The following SPATA22 variants were observed in gnomAD, a reference collection of about 807,000 sequenced individuals.
SPATA22 encodes the protein spermatogenesis associated 22.
A neutral mutation model predicts 47.8 loss-of-function variants in SPATA22; 29 were observed. The ratio of observed to expected loss-of-function variants is 0.61; its 90% CI spans 0.45 to 0.83. The LOEUF (loss-of-function observed/expected upper bound fraction) is 0.83, where lower values mean the gene tolerates loss of function less well. Ranked by LOEUF, SPATA22 falls within the 40% of genes least tolerant of loss-of-function variation. The pLI, the probability that SPATA22 is intolerant of heterozygous loss-of-function variation, is 0.00. For missense variants in SPATA22, 410 were observed against 421.7 expected, an observed-to-expected ratio of 0.97 and a Z score of 0.24; for synonymous variants, 133 against 140.9, an observed-to-expected ratio of 0.94 and a Z score of 0.40.
chr17:3,459,399 A>AT (rs949816913), intron 5 of SPATA22, among the ~76,000 whole-genome samples: 8 of 152,262 alleles, frequency 5.3e-5, no homozygotes, highest in African/African-American at 1.9e-4. Flanking sequence ...AATATATATA[A>AT]TTTTTTTTAA....
In SPATA22 at chr17:3,498,933, T is replaced by C; in HGVS notation, c.-74+14479A>G. On this transcript the variant is annotated intron_variant, in intron 1 of 8. Coordinates refer to the SPATA22 transcript ENST00000541913. ...ACTGCATCCTGGGGATCCCATGTTT[T>C]TAACTCTTGATGGGAAGACGATCCC... The C allele has an allele frequency of 1.2e-6, 2 of 1,610,190 alleles. No homozygotes were observed. The highest frequency in any genetic ancestry group is 1.7e-6 in the Non-Finnish European group (2 of 1,177,616).
chr17:3,444,842 A>G (rs770217116), intron 7 of SPATA22, among the ~76,000 whole-genome samples: 2 of 152,138 alleles, frequency 1.3e-5, no homozygotes, highest in African/African-American at 2.4e-5. Context: ...AAAATGAAGT[A>G]TCTACCTTTG....
At chr17:3,487,060 A>ATGTGTGTG (rs1376995881) in intron 1 of SPATA22, among the ~76,000 whole-genome samples, 1 of 131,744 alleles carries the variant, frequency 7.6e-6, no homozygotes, top group Non-Finnish European at 1.6e-5. Flanking sequence ...GTGTGTGTTT[A>ATGTGTGTG]TGTGTGTGTG....
At chr17:3,446,247 A>C (rs1030181106) in intron 7 of SPATA22, among the ~76,000 whole-genome samples, 2 of 152,116 alleles carry the variant, frequency 1.3e-5, no homozygotes, top group African/African-American at 2.4e-5. Context: ...GGTAATTAGA[A>C]TGTAGGCATT....
intron 1 of SPATA22, among the ~76,000 whole-genome samples, chr17:3,509,981 T>C (rs2074091391): frequency 6.6e-6 from 1 of 152,232 alleles, no homozygotes; most frequent in Non-Finnish European, 1.5e-5. Context: ...GAAGTGTCTG[T>C]TCATATCCTT....
At chr17:3,507,257 G>A (rs1024435308) in intron 1 of SPATA22, among the ~76,000 whole-genome samples, 6 of 152,124 alleles carry the variant, frequency 3.9e-5, no homozygotes, top group African/African-American at 1.2e-4. Flanking sequence ...ACAGAAAACC[G>A]ATGAAAGAAA....
At chr17:3,511,270 G>C (rs1430713580) in intron 1 of SPATA22, 1 of 152,154 alleles carries the variant, frequency 6.6e-6, no homozygotes, top group African/African-American at 2.4e-5. Flanking sequence ...TGCCAAATGA[G>C]ACACCTGAGA....
intron 2 of SPATA22, among the ~76,000 whole-genome samples, 171 bp from the exon 3 acceptor site, chr17:3,467,725 A>C (rs377666482): frequency 7.2e-5 from 11 of 152,172 alleles, no homozygotes; most frequent in African/African-American, 2.7e-4. Flanking sequence ...AAGATCCTGA[A>C]TAGCCTAATT....
chr17:3,484,485 T>G (rs938319773), intron 1 of SPATA22, among the ~76,000 whole-genome samples: 19 of 151,898 alleles, frequency 1.3e-4, no homozygotes, highest in African/African-American at 4.6e-4. Flanking sequence ...CCCAAAGAAG[T>G]GGGATCCATC....
At chr17:3,459,489 T>A (rs1309544598) in intron 5 of SPATA22, among the ~76,000 whole-genome samples, 1 of 152,220 alleles carries the variant, frequency 6.6e-6, no homozygotes, top group Non-Finnish European at 1.5e-5. Flanking sequence ...CACTGCAACC[T>A]CCACCTCCCA....
At chr17:3,491,878 T>TTTA (rs2073832332) in intron 1 of SPATA22, among the ~76,000 whole-genome samples, 1 of 11,266 alleles carries the variant, frequency 8.9e-5, no homozygotes, top group Admixed American at 1.4e-3. Flanking sequence ...TTTTGTTTTC[T>TTTA]TTTTTTTTTT....
At chr17:3,509,628 A>G (rs11657510) in intron 1 of SPATA22, among the ~76,000 whole-genome samples, 144,264 of 152,290 alleles carry the variant, frequency 0.95, 68,812 homozygotes, top group East Asian at 1. Flanking sequence ...ATAAACATAT[A>G]TGTGCATGTG....
Position 3,440,058 on chromosome 17 carries a change from A to G in SPATA22, c.*89T>C. On this transcript the variant is annotated 3_prime_UTR_variant, in exon 9 of 9. Transcript: ENST00000572969. ...AATACTTTAATTCAACAAGTGAAAT[A>G]CAATAGTAGCTATAAAACTATGGAG... 1.3e-6 allele frequency: 1 copy of G among 773,876 alleles called. No homozygotes were observed. The highest frequency in any genetic ancestry group is 1.9e-6 in the Non-Finnish European group (1 of 519,636). 47.9% of individuals were successfully genotyped at this position (773,876 alleles called of 1,614,324 possible).
chr17:3,455,165 G>A (rs1185246951), intron 5 of SPATA22, among the ~76,000 whole-genome samples: 1 of 151,408 alleles, frequency 6.6e-6, no homozygotes, highest in Non-Finnish European at 1.5e-5. Flanking sequence ...TTGTAAATTT[G>A]TTGGAGTTCA....
chr17:3,479,309 A>G (rs1352329620), intron 1 of SPATA22, among the ~76,000 whole-genome samples: 1 of 152,164 alleles, frequency 6.6e-6, no homozygotes, highest in Non-Finnish European at 1.5e-5. Context: ...TACTAGCACC[A>G]TTTACTCAAA....
At chr17:3,479,748 G>A (rs756772265) in intron 1 of SPATA22, among the ~76,000 whole-genome samples, 23 of 152,024 alleles carry the variant, frequency 1.5e-4, no homozygotes, top group Non-Finnish European at 3.1e-4. Flanking sequence ...CCACCTTCCT[G>A]ATCTCATTCC....
In SPATA22 at chr17:3,485,315, TCA is replaced by T. The variant is rs1227844322; in HGVS notation, c.-73-15919_-73-15918del. On this transcript the variant is annotated intron_variant, in intron 1 of 8. Coordinates refer to the SPATA22 transcript ENST00000541913. This position sits in a 1 kb window ranked among gnomAD's most constrained non-coding sequence, Gnocchi z 4.4. ...GTGAGCCACCACACCTGTACCTCATTCACAGTTTTAATCACACCTATCCCACA... is the reference window on the plus strand; with the variant it reads ...GTGAGCCACCACACCTGTACCTCATTCAGTTTTAATCACACCTATCCCACA... Among the ~76,000 whole-genome samples the T allele has an allele frequency of 6.6e-6, 1 of 152,074 alleles. No homozygotes were observed. Among genetic ancestry groups the T allele is most frequent in the African/African-American group, 2.4e-5 (1 of 41,408 alleles).
At position 3,458,855 on chromosome 17, in the gene SPATA22, C is replaced by CAAAAAAAAAAAAAAAAAAAAAAAAA. The variant is rs545223532; in HGVS notation, c.329+3603_329+3627dup. On this transcript the variant is annotated intron_variant, in intron 5 of 8. Coordinates refer to ENST00000572969, the MANE Select transcript of SPATA22 (RefSeq NM_001170698.2). The stretch of plus-strand genomic sequence containing the variant: ...CCTGGGCAACAAGAGCGAAACTTCA[C>CAAAAAAAAAAAAAAAAAAAAAAAAA]AAAAAAAAAAAAAAAAAAAAAAAAA... Among the ~76,000 whole-genome samples the CAAAAAAAAAAAAAAAAAAAAAAAAA allele has an allele frequency of 5.7e-4, 22 of 38,342 alleles. 1 individual carries two copies. The highest frequency in any genetic ancestry group is 1.5e-3 in the African/African-American group (13 of 8,768). 25.2% of individuals were successfully genotyped at this position (38,342 alleles called of 152,430 possible).
intron 5 of SPATA22, among the ~76,000 whole-genome samples, chr17:3,454,597 A>G (rs1597395026): frequency 6.6e-6 from 1 of 151,780 alleles, no homozygotes; most frequent in Non-Finnish European, 1.5e-5. Flanking sequence ...ATGATTTCCA[A>G]TTTCATCCAT....
Sources: allele counts gnomAD v4.1 joint callset (sites outside exome capture counted in the v4.1 genomes callset), GRCh38; gene constraint gnomAD v4.1.1; non-coding constraint Gnocchi (gnomAD v3.1); transcripts MANE v1.5; gene names NCBI Gene and HGNC (gene_info 2026-07-23, HGNC 2026-07-21).